TENM2: variants seen among roughly 807,000 people sequenced by gnomAD.
The protein encoded by TENM2 is teneurin-2.
Under a neutral mutation model 245.2 loss-of-function variants are expected in TENM2, and 52 were observed. The ratio of observed to expected loss-of-function variants is 0.21; its 90% confidence interval spans 0.17 to 0.27. TENM2 has a LOEUF of 0.27. TENM2 is among the 10% of genes least tolerant of loss of function. The pLI is 1.00. For synonymous variants in TENM2, 1,363 were observed against 1,438.9 expected (o/e 0.95, Z 1.19); for missense variants, 3,046 against 3,666.8 (o/e 0.83, Z 4.37).
the TENM2 span, among the ~76,000 whole-genome samples, chr5:167,030,827 C>T: frequency 3.9e-5 from 6 of 152,256 alleles, no homozygotes; most frequent in African/African-American, 1.2e-4. Context: ...TGATGCCTGC[C>T]AGACACCCCT....
intron 7 of TENM2, among the ~76,000 whole-genome samples, chr5:168,079,425 C>T (rs1562131177): frequency 6.6e-6 from 1 of 152,084 alleles, no homozygotes; most frequent in Non-Finnish European, 1.5e-5. Context: ...CCTTTATTTC[C>T]TTCTCCTGCC....
At chr5:167,253,631 A>G in the TENM2 span, among the ~76,000 whole-genome samples, 1 of 152,164 alleles carries the variant, frequency 6.6e-6, no homozygotes, top group South Asian at 2.1e-4. Context: ...GAATTTTCAT[A>G]AATGATGTTT....
intron 5 of TENM2, among the ~76,000 whole-genome samples, chr5:168,036,677 GTATATA>G (rs60784450): frequency 0.036 from 4,207 of 117,788 alleles, 375 homozygotes; most frequent in African/African-American, 0.13. Flanking sequence ...ATATGTATGT[GTATATA>G]TATATATATA....
At chr5:167,786,899 A>G (rs1230073232) in intron 2 of TENM2, among the ~76,000 whole-genome samples, 3 of 152,250 alleles carry the variant, frequency 2.0e-5, no homozygotes, top group Non-Finnish European at 4.4e-5. Context: ...GCAAAAAGTT[A>G]ACCCGTTATA....
At chr5:168,209,314 A>G (rs1483254349) in intron 19 of TENM2, among the ~76,000 whole-genome samples, 2 of 152,234 alleles carry the variant, frequency 1.3e-5, no homozygotes, top group African/African-American at 4.8e-5. Flanking sequence ...CTCATTAACC[A>G]GTTTGTCATT....
At chr5:167,638,230 T>C (rs760652155) in intron 2 of TENM2, among the ~76,000 whole-genome samples, 59 of 152,204 alleles carry the variant, frequency 3.9e-4, no homozygotes, top group Non-Finnish European at 6.8e-4. Context: ...TCTCAAGTTA[T>C]TATTTTCTTT....
intron 2 of TENM2, among the ~76,000 whole-genome samples, chr5:167,484,985 C>T (rs1051171489): frequency 3.9e-5 from 6 of 152,176 alleles, no homozygotes; most frequent in Admixed American, 6.5e-5. Flanking sequence ...AAAATAAATT[C>T]GTGACCAGTA....
intron 12 of TENM2, 40 bp downstream of exon 14, chr5:168,127,006 T>C: frequency 1.3e-6 from 2 of 1,519,126 alleles, no homozygotes; most frequent in Non-Finnish European, 1.8e-6. Flanking sequence ...AGATCTATAG[T>C]GATGGTCGCG....
intron 1 of TENM2, among the ~76,000 whole-genome samples, chr5:167,349,371 A>G (rs1561882287): frequency 6.6e-6 from 1 of 152,196 alleles, no homozygotes; most frequent in Non-Finnish European, 1.5e-5. Flanking sequence ...AAATATACCC[A>G]AGGTCCCAGA....
chr5:167,143,222 A>G, the TENM2 span, among the ~76,000 whole-genome samples: 2 of 152,240 alleles, frequency 1.3e-5, no homozygotes, highest in South Asian at 4.1e-4. Flanking sequence ...AGGCTTCGAT[A>G]TGACCATGAA....
chr5:168,259,047 G>T (rs747340374), intron 27 of TENM2, among the ~76,000 whole-genome samples: 10 of 151,498 alleles, frequency 6.6e-5, no homozygotes, highest in African/African-American at 1.9e-4. Context: ...TGAGCCAGGC[G>T]TGGTGGCGGG....
rs58825054 is a variant in TENM2, at chr5:168,156,247, T to TAAAA, written c.2423-6348_2423-6345dup. ...ACCAGGTTAAGGTTTTCCCCATAGT[T>TAAAA]AAAAAAAAAAAAAAAAAAACACTTT... is the stretch of plus-strand genomic sequence containing the variant. On this transcript the variant is annotated intron_variant, in intron 12 of 28. Coordinates refer to ENST00000518659, the Ensembl canonical transcript of TENM2. Among the ~76,000 whole-genome samples the TAAAA allele has an allele frequency of 2.0e-3, 162 of 80,790 alleles. 3 individuals are homozygous for TAAAA. The highest frequency in any genetic ancestry group is 8.1e-3 in the African/African-American group (145 of 17,996). The allele number at this position is 80,790 out of a possible 152,430, so 53.0% of individuals were successfully genotyped here. A position where few individuals can be genotyped will look rare whatever the true frequency, so the allele number is the denominator to read the frequency against.
chr5:167,204,354 A>C, the TENM2 span, among the ~76,000 whole-genome samples: 2 of 152,316 alleles, frequency 1.3e-5, no homozygotes, highest in Admixed American at 1.3e-4. Flanking sequence ...TGGAATGAGA[A>C]GAGATAAATC....
chr5:167,597,409 C>T (rs533696643), intron 2 of TENM2, among the ~76,000 whole-genome samples: 16 of 152,116 alleles, frequency 1.1e-4, no homozygotes, highest in African/African-American at 3.6e-4. Flanking sequence ...TCAGGCAATC[C>T]GGCCTCAAGT....
At chr5:167,361,424 A>G (rs921183676) in intron 1 of TENM2, among the ~76,000 whole-genome samples, 1 of 152,204 alleles carries the variant, frequency 6.6e-6, no homozygotes, top group East Asian at 1.9e-4. Context: ...GTCTATAAAC[A>G]ACATATAGCA....
chr5:167,675,843 A>G (rs1394104060), intron 2 of TENM2, among the ~76,000 whole-genome samples: 1 of 152,128 alleles, frequency 6.6e-6, no homozygotes, highest in Non-Finnish European at 1.5e-5. Context: ...CCACAAAAAT[A>G]TTGTTAGATC....
chr5:167,270,869 C>G, the TENM2 span, among the ~76,000 whole-genome samples: 1 of 152,154 alleles, frequency 6.6e-6, no homozygotes, highest in Non-Finnish European at 1.5e-5. Context: ...CTTAACCTCT[C>G]AGAATTTACA....
chr5:167,952,621 G>A (rs1481834919), exon 4 of TENM2: 1 of 1,611,956 alleles, frequency 6.2e-7, no homozygotes, highest in African/African-American at 1.3e-5. Context: ...TCGACTCTGA[G>A]GCCCCCTCTC....
intron 2 of TENM2, among the ~76,000 whole-genome samples, chr5:167,429,347 G>A (rs534915241): frequency 1.3e-5 from 2 of 152,220 alleles, no homozygotes; most frequent in Admixed American, 6.5e-5. Context: ...AGATTGTTGT[G>A]AGGACTAAAT....
Sources: gnomAD v4.1 joint callset for allele counts (sites outside exome capture counted in the v4.1 genomes callset) on GRCh38, gnomAD v4.1.1 for gene constraint, MANE v1.5 for transcripts, NCBI Gene and HGNC (gene_info 2026-07-23, HGNC 2026-07-21) for gene names.